KCNH8: variants seen among roughly 807,000 people sequenced by gnomAD.
KCNH8 encodes voltage-gated delayed rectifier potassium channel KCNH8.
KCNH8 carries 70 observed loss-of-function variants against 103.6 expected under a neutral mutation model. The ratio of observed to expected loss-of-function variants is 0.68; its 90% CI spans 0.56 to 0.82. The LOEUF is 0.82. Ranked by LOEUF, KCNH8 falls within the 40% of genes least tolerant of loss-of-function variation. The pLI is 0.00. For missense variants in KCNH8, 1,217 were observed against 1,329.9 expected (o/e 0.92, Z 1.32); for synonymous variants, 498 against 489.4 (o/e 1.02, Z -0.23).
rs557557538 is a variant in KCNH8 at position 19,299,795 on chromosome 3, A to T, written c.442+18466A>T. On this transcript the variant is annotated intron_variant, in intron 3 of 15. Transcript: ENST00000328405. ...TACCAGTAGTGATTTTGGATGACAC[A>T]TCAATAACTTTATAAAGCTAAAAAC... Among the ~76,000 whole-genome samples the T allele has an allele frequency of 2.6e-5, 4 of 152,180 alleles. No homozygotes were observed. In the South Asian group the frequency reaches 8.3e-4, roughly 32 times the overall value.
intron 11 of KCNH8, among the ~76,000 whole-genome samples, chr3:19,490,979 C>A (rs954739670): frequency 6.6e-6 from 1 of 152,076 alleles, no homozygotes; most frequent in Non-Finnish European, 1.5e-5. Context: ...CTTTAAAATG[C>A]TGAGTTTCCA....
chr3:19,502,362 G>A (rs1352530307), intron 11 of KCNH8, among the ~76,000 whole-genome samples: 1 of 150,294 alleles, frequency 6.7e-6, no homozygotes, highest in East Asian at 2.0e-4. Context: ...GTAATTTACA[G>A]ATTCAATGCC....
At chr3:19,374,295 G>A (rs1559497854) in intron 5 of KCNH8, among the ~76,000 whole-genome samples, 1 of 151,590 alleles carries the variant, frequency 6.6e-6, no homozygotes, top group Non-Finnish European at 1.5e-5. Context: ...GGGTACTCCT[G>A]TATTGGGTGC....
intron 7 of KCNH8, among the ~76,000 whole-genome samples, chr3:19,404,314 T>C (rs963443169): frequency 6.6e-6 from 1 of 151,950 alleles, no homozygotes; most frequent in African/African-American, 2.4e-5. Context: ...CCTAGTCTCA[T>C]TTTGGTTTCT....
intron 1 of KCNH8, among the ~76,000 whole-genome samples, chr3:19,240,807 C>A (rs1302375615): frequency 1.3e-5 from 2 of 151,234 alleles, no homozygotes; most frequent in Non-Finnish European, 2.9e-5. Flanking sequence ...AAAGCATTGA[C>A]ATCATTCTTG....
chr3:19,418,831 C>G (rs979589859), intron 7 of KCNH8, among the ~76,000 whole-genome samples: 2 of 152,190 alleles, frequency 1.3e-5, no homozygotes, highest in Non-Finnish European at 2.9e-5. Flanking sequence ...GCTGCACATT[C>G]TTATGAAAAC....
intron 2 of KCNH8, among the ~76,000 whole-genome samples, chr3:19,274,320 C>A (rs1463514720): frequency 1.3e-5 from 2 of 152,108 alleles, no homozygotes; most frequent in Admixed American, 1.3e-4. Context: ...ACAATGTTAG[C>A]ACATAATACA....
rs528062144 is a variant in KCNH8 at position 19,234,662 on chromosome 3, C to G, written c.77-18992C>G. Among the ~76,000 whole-genome samples, 123 of 124,874 alleles carry G rather than the reference C, an allele frequency of 9.8e-4. 1 individual carries two copies. Among genetic ancestry groups the G allele is most frequent in the African/African-American group, 3.6e-3 (115 of 32,136 alleles). The allele number at this position is 124,874 out of a possible 152,430, so 81.9% of individuals were successfully genotyped here. ...CCCGCAAGCTGAGGGAGCCGGCTCC[C>G]GGCCTTGGGCAGCCCAGAAAGGGGC... On this transcript the variant is annotated intron_variant, in intron 1 of 15. Transcript: ENST00000328405.
chr3:19,528,340 A>G (rs147071749), intron 15 of KCNH8, among the ~76,000 whole-genome samples: 11 of 152,176 alleles, frequency 7.2e-5, no homozygotes, highest in Admixed American at 2.6e-4. Flanking sequence ...AGATCTAGGA[A>G]TCAGTCATTG....
intron 11 of KCNH8, among the ~76,000 whole-genome samples, chr3:19,472,830 T>C (rs2067891556): frequency 6.6e-6 from 1 of 152,192 alleles, no homozygotes; most frequent in South Asian, 2.1e-4. Flanking sequence ...GTGTTTCAAA[T>C]AAGATTTAGT....
At chr3:19,238,198 T>G (rs1201979435) in intron 1 of KCNH8, among the ~76,000 whole-genome samples, 2 of 152,222 alleles carry the variant, frequency 1.3e-5, no homozygotes, top group Non-Finnish European at 2.9e-5. Context: ...GTATTTAAGG[T>G]AGCTTGTGAC....
chr3:19,523,512 T>C (rs534265394), intron 15 of KCNH8, among the ~76,000 whole-genome samples: 1 of 152,078 alleles, frequency 6.6e-6, no homozygotes, highest in Non-Finnish European at 1.5e-5. Context: ...TTAAAATTTA[T>C]TTCTCGTTCA....
In KCNH8 at chr3:19,156,723, G is replaced by C. The variant is rs144305116; in HGVS notation, c.76+7928G>C. On this transcript the variant is annotated intron_variant, in intron 1 of 15. Coordinates refer to ENST00000328405, the MANE Select transcript of KCNH8 (RefSeq NM_144633.3). ...TTTCCTTTTGTTGTGAGGTTAATCT[G>C]TCTGTGAAGATATTCTAATTCTCAT... is the stretch of plus-strand genomic sequence containing the variant. 7.9e-3 allele frequency among the ~76,000 whole-genome samples: 1,201 copies of C among 152,142 alleles called. 13 individuals carry two copies. Among genetic ancestry groups the C allele is most frequent in the African/African-American group, 0.027 (1,115 of 41,516 alleles).
chr3:19,223,979 T>C (rs937833367), intron 1 of KCNH8, among the ~76,000 whole-genome samples: 1 of 152,160 alleles, frequency 6.6e-6, no homozygotes, highest in African/African-American at 2.4e-5. Flanking sequence ...ATATTTGGTA[T>C]GTACAGAGGA....
In KCNH8 at chr3:19,302,674, CT is replaced by C. The variant is rs372174194; in HGVS notation, c.442+21347del. The stretch of plus-strand genomic sequence containing the variant: ...CATTAGAAAGCCATCTAATTCTTCT[CT>C]TCTGAATAAACTACAGGCTTTTCTG... On this transcript the variant is annotated intron_variant, in intron 3 of 15. Coordinates refer to ENST00000328405, the MANE Select transcript of KCNH8 (RefSeq NM_144633.3). Among the ~76,000 whole-genome samples the C allele has an allele frequency of 4.2e-3, 639 of 152,270 alleles. 3 individuals carry two copies. The highest frequency in any genetic ancestry group is 0.014 in the African/African-American group (597 of 41,554).
At chr3:19,337,067 G>A (rs549482761) in intron 3 of KCNH8, among the ~76,000 whole-genome samples, 5 of 152,036 alleles carry the variant, frequency 3.3e-5, no homozygotes, top group African/African-American at 1.2e-4. Flanking sequence ...AATCGGACAG[G>A]CTCACAGCTC....
At chr3:19,250,451 C>A (rs2064262387) in intron 1 of KCNH8, among the ~76,000 whole-genome samples, 1 of 152,028 alleles carries the variant, frequency 6.6e-6, no homozygotes, top group Admixed American at 6.5e-5. Flanking sequence ...AAACATAAGT[C>A]CCTGAAAGTA....
rs1211920407 is a variant in KCNH8 at position 19,492,877 on chromosome 3, GTGTGTGTGA to G, written c.2041-17484_2041-17476del. On this transcript the variant is annotated intron_variant, in intron 11 of 15. Coordinates refer to ENST00000328405, the MANE Select transcript of KCNH8 (RefSeq NM_144633.3). ...TGTGTGTGTGTGTGTGTGTGTGTGT[GTGTGTGTGA>G]TTTCTGACTTCTTTCACAAGACTTT... Among the ~76,000 whole-genome samples the G allele has an allele frequency of 5.2e-5, 6 of 116,446 alleles. No homozygotes were observed. The East Asian group carries it at 1.3e-3, about 26-fold the overall frequency. The allele number at this position is 116,446 out of a possible 152,430, so 76.4% of individuals were successfully genotyped here.
At chr3:19,282,831 A>C (rs2125275253) in intron 3 of KCNH8, among the ~76,000 whole-genome samples, 1 of 152,290 alleles carries the variant, frequency 6.6e-6, no homozygotes, top group East Asian at 1.9e-4. Flanking sequence ...CACGTTCTGA[A>C]TCAGCTGAAA....
Sources: gnomAD v4.1 joint callset for allele counts (sites outside exome capture counted in the v4.1 genomes callset) on GRCh38, gnomAD v4.1.1 for gene constraint, MANE v1.5 for transcripts, NCBI Gene and HGNC (gene_info 2026-07-23, HGNC 2026-07-21) for gene names.